COL22A1: variants seen among roughly 807,000 people sequenced by gnomAD.
COL22A1 encodes the protein collagen alpha-1(XXII) chain.
In COL22A1, 221 loss-of-function variants were observed where a neutral mutation model predicts 248.9. The ratio of observed to expected loss-of-function variants is 0.89; its 90% confidence interval spans 0.80 to 0.99. The LOEUF is 0.99. COL22A1 is among the 50% of genes least tolerant of loss of function. The probability of loss-of-function intolerance (pLI) is 0.00; values close to 1 mark genes in which losing one functional copy is unlikely to be tolerated. For synonymous variants in COL22A1, 891 were observed against 793.4 expected, an observed-to-expected ratio of 1.12 and a Z score of -2.07; for missense variants, 2,240 against 2,179.0, an observed-to-expected ratio of 1.03 and a Z score of -0.56.
rs1470150768 is a variant in COL22A1, at chr8:138,717,030, G to A, written c.2356-161C>T. On this transcript the variant is annotated intron_variant, in intron 27 of 64. Coordinates refer to ENST00000303045, the MANE Select transcript of COL22A1 (RefSeq NM_152888.3). Reference sequence around the variant, plus strand: ...AGGCCCAAGAGTCATGGGCTCTGAAGACCAAAGTGTTTAGCATTTTTGCAG... The same window carrying A: ...AGGCCCAAGAGTCATGGGCTCTGAAAACCAAAGTGTTTAGCATTTTTGCAG... Among the ~76,000 whole-genome samples the A allele has an allele frequency of 5.9e-5, 9 of 152,198 alleles. No individual in the cohort carries two copies. In the South Asian group the frequency reaches 1.0e-3, roughly 18 times the overall value.
At chr8:138,803,025 A>T in intron 10 of COL22A1, 91 bp from the exon 11 acceptor site, 1 of 975,736 alleles carries the variant, frequency 1.0e-6, no homozygotes, top group Non-Finnish European at 1.7e-6. Context: ...CCTTGCTCCA[A>T]TTCCCTAGAA....
At chr8:138,796,878 A>C (rs1228226025) in intron 11 of COL22A1, 21 bp from the exon 12 acceptor site, 1 of 1,534,028 alleles carries the variant, frequency 6.5e-7, no homozygotes, top group African/African-American at 1.4e-5. Flanking sequence ...GAAAGAAGGC[A>C]AAGATTCACT....
chr8:138,748,864 GAT>G (rs774055592), intron 22 of COL22A1, among the ~76,000 whole-genome samples: 10 of 152,190 alleles, frequency 6.6e-5, no homozygotes, highest in South Asian at 2.1e-4. Flanking sequence ...CTAAGAAGGT[GAT>G]ATGGTTTGGC....
At position 138,676,618 on chromosome 8, in the gene COL22A1, A is replaced by T; in HGVS notation, c.3090T>A (p.Pro1030=). Residue 1030 remains proline, a synonymous_variant, in exon 41 of 65, where the codon CCT becomes CCA. Transcript: ENST00000303045. The part of the protein sequence containing the change: ...GQCVKGDRGA[P]GIPGSPGSRG... Reference sequence around the variant, plus strand: ...GGCTGCCAGGAGAACCAGGGATCCCAGGAGCTCCTCGATCCCCCTAGAAAG... The same window carrying T: ...GGCTGCCAGGAGAACCAGGGATCCCTGGAGCTCCTCGATCCCCCTAGAAAG... 6.4e-7 allele frequency: 1 copy of T among 1,566,594 alleles called. No homozygotes were observed. The highest frequency in any genetic ancestry group is 8.7e-7 in the Non-Finnish European group (1 of 1,154,612).
chr8:138,873,911 T>C (rs999828202), intron 3 of COL22A1, among the ~76,000 whole-genome samples: 1 of 152,224 alleles, frequency 6.6e-6, no homozygotes, highest in African/African-American at 2.4e-5. Context: ...AAAAAAACCC[T>C]GATATTTTTA....
chr8:138,720,868 G>T, intron 26 of COL22A1, 76 bp from the exon 27 acceptor site: 1 of 1,233,002 alleles, frequency 8.1e-7, no homozygotes, highest in Non-Finnish European at 1.2e-6. Context: ...CTAGGCACAG[G>T]TTGGAAGGAA....
chr8:138,785,483 T>C (rs1180561368), intron 12 of COL22A1, among the ~76,000 whole-genome samples: 1 of 152,216 alleles, frequency 6.6e-6, no homozygotes, highest in Admixed American at 6.5e-5. Flanking sequence ...ATGCGCTAGA[T>C]AGTGCCTCCC....
At chr8:138,863,581 T>G (rs1391632574) in intron 3 of COL22A1, among the ~76,000 whole-genome samples, 1 of 152,098 alleles carries the variant, frequency 6.6e-6, no homozygotes, top group African/African-American at 2.4e-5. Flanking sequence ...TCTTCACTCC[T>G]TAAGGGTACA....
intron 23 of COL22A1, among the ~76,000 whole-genome samples, chr8:138,734,257 T>C (rs1830936986): frequency 6.6e-6 from 1 of 152,216 alleles, no homozygotes; most frequent in African/African-American, 2.4e-5. Flanking sequence ...AGGGTTCAGA[T>C]GAAAACACCT....
At chr8:138,795,853 G>A (rs935152479) in intron 12 of COL22A1, among the ~76,000 whole-genome samples, 17 of 152,106 alleles carry the variant, frequency 1.1e-4, no homozygotes, top group African/African-American at 4.1e-4. Context: ...CTGGCCACAG[G>A]AGAGCTGTTT....
At chr8:138,786,034 C>A (rs909397905) in intron 12 of COL22A1, among the ~76,000 whole-genome samples, 3 of 152,210 alleles carry the variant, frequency 2.0e-5, no homozygotes, top group Admixed American at 2.0e-4. Context: ...ACCTCCCACT[C>A]TCCCTGCCTC....
At chr8:138,826,111 C>A (rs1204290268) in intron 6 of COL22A1, 1 of 153,156 alleles carries the variant, frequency 6.5e-6, no homozygotes, top group Non-Finnish European at 1.5e-5. Flanking sequence ...GTATCAGACA[C>A]TGTTCTAGAT....
At chr8:138,614,382 A>G (rs1819142249) in intron 55 of COL22A1, among the ~76,000 whole-genome samples, 1 of 152,228 alleles carries the variant, frequency 6.6e-6, no homozygotes, top group Non-Finnish European at 1.5e-5. Context: ...AGAGTCTTCC[A>G]AGCGGCCCTG....
At chr8:138,659,996 T>C (rs1392652788) in intron 44 of COL22A1, among the ~76,000 whole-genome samples, 1 of 152,186 alleles carries the variant, frequency 6.6e-6, no homozygotes, top group Non-Finnish European at 1.5e-5. Flanking sequence ...CAGATCCACT[T>C]TTCACCCTTC....
intron 11 of COL22A1, 132 bp from the exon 12 acceptor site, chr8:138,796,989 A>G: frequency 1.4e-6 from 1 of 715,864 alleles, no homozygotes; most frequent in Non-Finnish European, 2.5e-6. Context: ...AGCCACTAAA[A>G]GAAATGGTGA....
chr8:138,658,318 G>A (rs893991008), intron 44 of COL22A1, among the ~76,000 whole-genome samples: 2 of 152,204 alleles, frequency 1.3e-5, no homozygotes, highest in Non-Finnish European at 2.9e-5. Flanking sequence ...TGCCTGGTAA[G>A]AGTGTCTTTG....
chr8:138,805,032 TGTGTGTGATGGTGTGTGTAATG>T (rs1817371535), intron 10 of COL22A1, among the ~76,000 whole-genome samples: 1 of 137,894 alleles, frequency 7.3e-6, no homozygotes, highest in Non-Finnish European at 1.5e-5. Context: ...TGTGTGATAG[TGTGTGTGATGGTGTGTGTAATG>T]GTGTGTGATG....
intron 47 of COL22A1, among the ~76,000 whole-genome samples, chr8:138,637,258 A>AC (rs1366678060): frequency 7.2e-5 from 11 of 152,070 alleles, no homozygotes; most frequent in Non-Finnish European, 1.2e-4. Context: ...GGCAGAATAA[A>AC]CCCAGGGTCT....
intron 3 of COL22A1, among the ~76,000 whole-genome samples, chr8:138,857,627 AC>A (rs920280803): frequency 6.6e-6 from 1 of 152,214 alleles, no homozygotes; most frequent in Non-Finnish European, 1.5e-5. Context: ...CTGGAGAGGA[AC>A]AACCAAGAAA....
Sources: gnomAD v4.1 joint callset for allele counts (sites outside exome capture counted in the v4.1 genomes callset) on GRCh38, gnomAD v4.1.1 for gene constraint, MANE v1.5 for transcripts, NCBI Gene and HGNC (gene_info 2026-07-23, HGNC 2026-07-21) for gene names.